Variants in RFTN1 observed in about 807,000 individuals in gnomAD.
The protein encoded by RFTN1 is raftlin.
In RFTN1, 26 loss-of-function variants were observed where a neutral mutation model predicts 46.5. That is an observed-to-expected ratio of 0.56 (90% CI 0.41 to 0.78). The LOEUF is 0.78. Among genes scored for constraint, RFTN1 ranks in the 30% least tolerant of loss-of-function variants. The pLI, the probability that RFTN1 is intolerant of heterozygous loss-of-function variation, is 0.00. For missense variants in RFTN1, 693 were observed against 718.7 expected, an observed-to-expected ratio of 0.96 and a Z score of 0.41; for synonymous variants, 261 against 284.2, an observed-to-expected ratio of 0.92 and a Z score of 0.82.
intron 4 of RFTN1, among the ~76,000 whole-genome samples, chr3:16,403,600 T>C (rs1393213064): frequency 1.5e-5 from 1 of 67,216 alleles, no homozygotes; most frequent in Non-Finnish European, 2.7e-5. Context: ...ATATATAATA[T>C]ATAATATATA....
chr3:16,437,690 G>A (rs1461749089), intron 2 of RFTN1, among the ~76,000 whole-genome samples: 3 of 151,928 alleles, frequency 2.0e-5, no homozygotes, highest in Non-Finnish European at 2.9e-5. Flanking sequence ...AGATAGGATC[G>A]GTGTTTTTTC....
chr3:16,392,457 G>A (rs943816572), intron 4 of RFTN1, among the ~76,000 whole-genome samples: 2 of 152,056 alleles, frequency 1.3e-5, no homozygotes, highest in Non-Finnish European at 2.9e-5. Context: ...CAGCACTTCT[G>A]AACACACAGA....
Position 16,374,045 on chromosome 3 carries a change from A to G in RFTN1, c.826+3673T>C, listed in dbSNP as rs1335436056. On this transcript the variant is annotated intron_variant, in intron 5 of 9. Coordinates refer to ENST00000334133, the MANE Select transcript of RFTN1 (RefSeq NM_015150.2). This position sits in a 1 kb window ranked among gnomAD's most constrained non-coding sequence, Gnocchi z 5.4. ...TGCAGGGACCGCTGCTGCGTGCACAACAATCCACAGGACTCCACCTGCAAG... is the reference window on the plus strand; with the variant it reads ...TGCAGGGACCGCTGCTGCGTGCACAGCAATCCACAGGACTCCACCTGCAAG... 1.3e-5 allele frequency among the ~76,000 whole-genome samples: 2 copies of G among 152,214 alleles called. No individual in the cohort carries two copies. Among genetic ancestry groups the G allele is most frequent in the East Asian group, 3.8e-4 (2 of 5,196 alleles).
At chr3:16,508,117 G>A (rs2076840640) in intron 1 of RFTN1, among the ~76,000 whole-genome samples, 1 of 152,160 alleles carries the variant, frequency 6.6e-6, no homozygotes, top group Admixed American at 6.5e-5. Context: ...CTTCTGGCTG[G>A]ACTTGCTGCT....
Position 16,351,686 on chromosome 3 carries a change from A to G in RFTN1, c.1146+6246T>C, listed in dbSNP as rs2072113523. 6.6e-6 allele frequency among the ~76,000 whole-genome samples: 1 copy of G among 152,220 alleles called. No individual in the cohort carries two copies. Among genetic ancestry groups the G allele is most frequent in the African/African-American group, 2.4e-5 (1 of 41,460 alleles). On this transcript the variant is annotated intron_variant, in intron 7 of 9. Coordinates refer to ENST00000334133, the MANE Select transcript of RFTN1 (RefSeq NM_015150.2). This position sits in a 1 kb window ranked among gnomAD's most constrained non-coding sequence, Gnocchi z 5.4. ...TGAGCACTTCAGGGGTAAGCTGTAT[A>G]TAAGTTAGACCCATTATCCTAATTA...
chr3:16,350,805 G>A (rs1002665912), intron 7 of RFTN1, among the ~76,000 whole-genome samples: 7 of 152,138 alleles, frequency 4.6e-5, no homozygotes, highest in South Asian at 4.1e-4. Flanking sequence ...GCTGTCTTTG[G>A]CACTAAAGAC....
At chr3:16,493,674 C>T in intron 2 of RFTN1, 51 bp downstream of exon 2, 1 of 1,494,940 alleles carries the variant, frequency 6.7e-7, no homozygotes, top group South Asian at 1.2e-5. Context: ...CCCTGCAGGC[C>T]CCTGCTGGAG....
chr3:16,510,872 A>G (rs145418066), intron 1 of RFTN1, among the ~76,000 whole-genome samples: 1 of 152,168 alleles, frequency 6.6e-6, no homozygotes, highest in African/African-American at 2.4e-5. Flanking sequence ...AAAGAAAGAA[A>G]CTAGAAGAAA....
chr3:16,440,257 C>A lies in RFTN1; in HGVS notation c.146-6220G>T, dbSNP rs1181370894. 6.6e-6 allele frequency among the ~76,000 whole-genome samples: 1 copy of A among 152,200 alleles called. No individual in the cohort carries two copies. The highest frequency in any genetic ancestry group is 1.5e-5 in the Non-Finnish European group (1 of 68,030). ...TCTGGGAAGGACACCCACGTGCTCC[C>A]ACACTGCCACAATCTTGGCTCACTG... is the stretch of plus-strand genomic sequence containing the variant. On this transcript the variant is annotated intron_variant, in intron 2 of 9. Transcript: ENST00000334133. This position sits in a 1 kb window ranked among gnomAD's most constrained non-coding sequence, Gnocchi z 4.6.
rs765845834 is a variant in RFTN1, at chr3:16,329,204, C to T, written c.1147-2328G>A. ...CGGGATGACGCAGCAAGAAGGCCCT[C>T]ACAAGATGCCAGGCCCTCGACCTTG... On this transcript the variant is annotated intron_variant, in intron 7 of 9. Transcript: ENST00000334133. This position sits in a 1 kb window ranked among gnomAD's most constrained non-coding sequence, Gnocchi z 4.5. Among the ~76,000 whole-genome samples the T allele has an allele frequency of 4.6e-5, 7 of 152,234 alleles. No individual in the cohort carries two copies. Among genetic ancestry groups the T allele is most frequent in the Non-Finnish European group, 8.8e-5 (6 of 68,040 alleles).
rs2076657967 is a variant in RFTN1 at position 16,498,459 on chromosome 3, C to T, written c.-8-4582G>A. Reference sequence around the variant, plus strand: ...CCCAATTTATGAAGTTTTCTTTGCTCATTCAAACTCTGTTAAATTTAATTT... The same window carrying T: ...CCCAATTTATGAAGTTTTCTTTGCTTATTCAAACTCTGTTAAATTTAATTT... On this transcript the variant is annotated intron_variant, in intron 1 of 9. Coordinates refer to ENST00000334133, the MANE Select transcript of RFTN1 (RefSeq NM_015150.2). This position sits in a 1 kb window ranked among gnomAD's most constrained non-coding sequence, Gnocchi z 5.2. 6.6e-6 allele frequency among the ~76,000 whole-genome samples: 1 copy of T among 152,226 alleles called. No homozygotes were observed. The highest frequency in any genetic ancestry group is 2.4e-5 in the African/African-American group (1 of 41,456).
At chr3:16,463,220 C>T (rs112716309) in intron 2 of RFTN1, among the ~76,000 whole-genome samples, 2 of 152,326 alleles carry the variant, frequency 1.3e-5, no homozygotes, top group African/African-American at 4.8e-5. Flanking sequence ...TTCTTAGCCT[C>T]AAACACTGCT....
At position 16,327,891 on chromosome 3, in the gene RFTN1, C is replaced by T. The variant is rs1390257855; in HGVS notation, c.1147-1015G>A. On this transcript the variant is annotated intron_variant, in intron 7 of 9. Coordinates refer to ENST00000334133, the MANE Select transcript of RFTN1 (RefSeq NM_015150.2). This position sits in a 1 kb window ranked among gnomAD's most constrained non-coding sequence, Gnocchi z 4.2. The stretch of plus-strand genomic sequence containing the variant: ...CTGCAACAGGCCTCATTTCTTACTA[C>T]GGGTTCCTCACTAACACTCAAAGTG... Among the ~76,000 whole-genome samples, 5 of 152,208 alleles carry T rather than the reference C, an allele frequency of 3.3e-5. No individual in the cohort carries two copies. Among genetic ancestry groups the T allele is most frequent in the African/African-American group, 7.2e-5 (3 of 41,466 alleles).
chr3:16,347,173 T>C (rs908274553), intron 7 of RFTN1, among the ~76,000 whole-genome samples: 7 of 152,152 alleles, frequency 4.6e-5, no homozygotes, highest in Non-Finnish European at 8.8e-5. Flanking sequence ...CTTCAACCCA[T>C]TGCAAAAATC....
In RFTN1 at chr3:16,433,173, G is replaced by GTTTT. The variant is rs758282020; in HGVS notation, c.332+674_332+677dup. Among the ~76,000 whole-genome samples, 4 of 96,384 alleles carry GTTTT rather than the reference G, an allele frequency of 4.2e-5. No homozygotes were observed. In the East Asian group the frequency reaches 1.4e-3, roughly 34 times the overall value. The allele number at this position is 96,384 out of a possible 152,430, so 63.2% of individuals were successfully genotyped here. On this transcript the variant is annotated intron_variant, in intron 3 of 9. Transcript: ENST00000334133. This position sits in a 1 kb window ranked among gnomAD's most constrained non-coding sequence, Gnocchi z 4.4. ...CTGCTCTCTCCATCCCATCCTCACT[G>GTTTT]TTTTTTTTTTTTAAAAAAATTAATA...
chr3:16,362,664 T>G (rs1457049225), intron 6 of RFTN1, among the ~76,000 whole-genome samples: 2 of 152,298 alleles, frequency 1.3e-5, no homozygotes, highest in Non-Finnish European at 2.9e-5. Flanking sequence ...CAAAAATAAG[T>G]TATATCAAAT....
At chr3:16,375,746 C>T (rs567963703) in intron 5 of RFTN1, among the ~76,000 whole-genome samples, 4 of 152,190 alleles carry the variant, frequency 2.6e-5, no homozygotes, top group African/African-American at 7.2e-5. Flanking sequence ...CTGGCCTACC[C>T]GTGCAGAGCT....
rs1478512390 is a variant in RFTN1, at chr3:16,468,952, C to T, written c.145+24773G>A. The stretch of plus-strand genomic sequence containing the variant: ...CTGCCAAAAGGCCAATCCATTCCCC[C>T]CATCACTCAGCCTGCCTGAATCGCA... On this transcript the variant is annotated intron_variant, in intron 2 of 9. Coordinates refer to ENST00000334133, the MANE Select transcript of RFTN1 (RefSeq NM_015150.2). The surrounding 1 kb of genome is among the most constrained non-coding windows in gnomAD (Gnocchi z 4.4). 2.6e-5 allele frequency among the ~76,000 whole-genome samples: 4 copies of T among 152,278 alleles called. No homozygotes were observed. The highest frequency in any genetic ancestry group is 6.5e-5 in the Admixed American group (1 of 15,294).
Position 16,457,250 on chromosome 3 carries a change from T to C in RFTN1, c.146-23213A>G, listed in dbSNP as rs2075924477. On this transcript the variant is annotated intron_variant, in intron 2 of 9. Coordinates refer to ENST00000334133, the MANE Select transcript of RFTN1 (RefSeq NM_015150.2). The surrounding 1 kb of genome is among the most constrained non-coding windows in gnomAD (Gnocchi z 4.2). Reference sequence around the variant, plus strand: ...AACATTGCAGGGAGGCAAGTCTTCTTAAGAAGCAGTTTAACTCAGTGGTTA... The same window carrying C: ...AACATTGCAGGGAGGCAAGTCTTCTCAAGAAGCAGTTTAACTCAGTGGTTA... 6.6e-6 allele frequency among the ~76,000 whole-genome samples: 1 copy of C among 152,208 alleles called. No homozygotes were observed. Among genetic ancestry groups the C allele is most frequent in the Non-Finnish European group, 1.5e-5 (1 of 68,024 alleles).
Sources: allele counts gnomAD v4.1 joint callset (sites outside exome capture counted in the v4.1 genomes callset), GRCh38; gene constraint gnomAD v4.1.1; non-coding constraint Gnocchi (gnomAD v3.1); transcripts MANE v1.5; gene names NCBI Gene and HGNC (gene_info 2026-07-23, HGNC 2026-07-21).